The following LRRK2 variants were observed in gnomAD, a reference collection of about 807,000 sequenced individuals.
LRRK2 encodes leucine rich repeat kinase 2.
Under a neutral mutation model 302.6 loss-of-function variants are expected in LRRK2, and 203 were observed. The observed-to-expected ratio is 0.67, with a 90% CI of 0.60 to 0.75. LRRK2 has a LOEUF of 0.75. Ranked by LOEUF, LRRK2 falls within the 30% of genes least tolerant of loss-of-function variation. The pLI is 0.00. For synonymous variants in LRRK2, 1,066 were observed against 1,031.9 expected (o/e 1.03, Z -0.63); for missense variants, 2,830 against 2,951.0 (o/e 0.96, Z 0.95).
intron 14 of LRRK2, among the ~76,000 whole-genome samples, chr12:40,269,231 G>A (rs1360928622): frequency 2.6e-5 from 4 of 152,076 alleles, no homozygotes; most frequent in African/African-American, 9.7e-5. Flanking sequence ...GGCATGATTC[G>A]TAATTAAAAA....
intron 45 of LRRK2, 34 bp from the exon 46 acceptor site, chr12:40,356,081 C>A: frequency 2.7e-6 from 4 of 1,496,942 alleles, no homozygotes; most frequent in Non-Finnish European, 3.7e-6. Flanking sequence ...CATACATGTT[C>A]TTTTTGTAAC....
At chr12:40,334,137 A>G (rs1445524919) in intron 39 of LRRK2, among the ~76,000 whole-genome samples, 1 of 152,200 alleles carries the variant, frequency 6.6e-6, no homozygotes, top group Non-Finnish European at 1.5e-5. Context: ...GTTTTACCTC[A>G]TATGCCAGTT....
At chr12:40,327,437 T>C (rs1456676472) in intron 38 of LRRK2, among the ~76,000 whole-genome samples, 1 of 152,074 alleles carries the variant, frequency 6.6e-6, no homozygotes. Flanking sequence ...ACCCAGACAT[T>C]AGCGTTTTAA....
intron 45 of LRRK2, among the ~76,000 whole-genome samples, chr12:40,355,497 T>C (rs929302386): frequency 8.7e-6 from 1 of 114,892 alleles, no homozygotes; most frequent in African/African-American, 3.0e-5. Flanking sequence ...AATTCCTTCC[T>C]TCCTTCCATC....
chr12:40,360,833 C>G (rs901033644), intron 47 of LRRK2, among the ~76,000 whole-genome samples: 1 of 151,342 alleles, frequency 6.6e-6, no homozygotes, highest in African/African-American at 2.4e-5. Flanking sequence ...CACCCCCAAC[C>G]TTTGAATGTG....
At chr12:40,282,654 A>T (rs1265247393) in intron 18 of LRRK2, among the ~76,000 whole-genome samples, 1 of 152,202 alleles carries the variant, frequency 6.6e-6, no homozygotes, top group East Asian at 1.9e-4. Context: ...TTTAAAGACG[A>T]TGGTGACTTG....
intron 39 of LRRK2, among the ~76,000 whole-genome samples, chr12:40,333,093 T>G (rs1945762419): frequency 6.6e-6 from 1 of 152,202 alleles, no homozygotes; most frequent in Non-Finnish European, 1.5e-5. Flanking sequence ...AATTAGTGAG[T>G]TGCTTTTCCA....
chr12:40,262,893 A>G (rs1254078508), intron 13 of LRRK2, among the ~76,000 whole-genome samples: 1 of 152,198 alleles, frequency 6.6e-6, no homozygotes, highest in Non-Finnish European at 1.5e-5. Flanking sequence ...CAAGAGGTGA[A>G]TGTCAGAACC....
At chr12:40,332,708 TAGA>T (rs1166922873) in intron 39 of LRRK2, among the ~76,000 whole-genome samples, 1 of 152,184 alleles carries the variant, frequency 6.6e-6, no homozygotes, top group Admixed American at 6.6e-5. Flanking sequence ...ATTTTATATA[TAGA>T]AGCTTATCTG....
At position 40,353,343 on chromosome 12, in the gene LRRK2, C is replaced by T. The variant is rs578094551; in HGVS notation, c.6577-956C>T. ...GCAGAGATGCTCCTCACCTCCCAGA[C>T]AGGGTTGCGGCCGGGCATAGGCTCT... On this transcript the variant is annotated intron_variant, in intron 44 of 50. Coordinates refer to ENST00000298910, the MANE Select transcript of LRRK2 (RefSeq NM_198578.4). Among the ~76,000 whole-genome samples, 72 of 148,386 alleles carry T rather than the reference C, an allele frequency of 4.9e-4. 1 individual carries two copies. In the South Asian group the frequency reaches 7.0e-3, roughly 15 times the overall value.
At chr12:40,286,034 G>A (rs1031245239) in intron 19 of LRRK2, among the ~76,000 whole-genome samples, 2 of 151,882 alleles carry the variant, frequency 1.3e-5, no homozygotes, top group Non-Finnish European at 2.9e-5. Context: ...TTCAATATCC[G>A]ATGGAGAGGA....
chr12:40,259,752 A>G, intron 13 of LRRK2, 148 bp downstream of exon 13: 1 of 942,300 alleles, frequency 1.1e-6, no homozygotes, highest in Non-Finnish European at 1.6e-6. Context: ...AAGAGGTTAA[A>G]TATGATGCAG....
intron 38 of LRRK2, among the ~76,000 whole-genome samples, chr12:40,325,025 C>T (rs1945502374): frequency 6.6e-6 from 1 of 152,170 alleles, no homozygotes; most frequent in African/African-American, 2.4e-5. Flanking sequence ...TAGTAGCTCA[C>T]TCCTGTAATC....
intron 16 of LRRK2, 79 bp from the exon 17 acceptor site, chr12:40,277,809 C>T: frequency 7.5e-7 from 1 of 1,336,070 alleles, no homozygotes; most frequent in African/African-American, 1.5e-5. Flanking sequence ...GTTTCATATA[C>T]AAACTCTCTC....
rs1358084941 is a variant in LRRK2, at chr12:40,351,564, A to T, written c.6407A>T (p.Glu2136Val). ...AQVFDILNSA[E>V]LVCLTRRILL... ...GTCTTTGACATTTTGAATTCAGCTG[A>T]ATTAGTCTGTCTGACGAGACGCATT... Residue 2136 changes from glutamate (E) to valine (V), a missense_variant, in exon 44 of 51, where the codon GAA (glutamate) becomes GTA (valine). Physicochemically the swap from Glu to Val is moderately radical, Grantham distance 121 (BLOSUM62 -2). Around this residue, in one of 3 missense-constraint regions of LRRK2, gnomAD observed 253 missense variants for 346.7 expected, o/e 0.73. Transcript: ENST00000298910. 1 of 1,614,202 alleles carries T rather than the reference A, an allele frequency of 6.2e-7. No homozygotes were observed. The highest frequency in any genetic ancestry group is 8.5e-7 in the Non-Finnish European group (1 of 1,180,030).
In LRRK2 at chr12:40,328,429, A is replaced by G. The variant is rs200182753; in HGVS notation, c.5726A>G (p.Asn1909Ser). ...EGEEVAVKIF[N>S]KHTSLRLLRQ... is the part of the protein sequence containing the mutation. ...GAAGAAGTGGCTGTGAAGATTTTTAATAAACATACATCACTCAGGCTGTTA... is the reference window on the plus strand; with the variant it reads ...GAAGAAGTGGCTGTGAAGATTTTTAGTAAACATACATCACTCAGGCTGTTA... Residue 1909 changes from asparagine (N) to serine (S), a missense_variant, in exon 39 of 51, where the codon AAT becomes AGT. By Grantham distance (46) the Asn-to-Ser change is conservative. This residue lies in a region of LRRK2 where 253 missense variants were observed against 346.7 expected (regional missense o/e 0.73). Transcript: ENST00000298910. 6.2e-7 allele frequency: 1 copy of G among 1,613,328 alleles called. No individual in the cohort carries two copies. Among genetic ancestry groups the G allele is most frequent in the South Asian group, 1.1e-5 (1 of 91,020 alleles).
intron 6 of LRRK2, among the ~76,000 whole-genome samples, chr12:40,240,883 T>C (rs1941691034): frequency 1.3e-5 from 2 of 152,182 alleles, no homozygotes; most frequent in African/African-American, 4.8e-5. Flanking sequence ...CACAGATAAG[T>C]ACAGAGGTGA....
chr12:40,228,433 C>CTTTTTTTTTTTTT (rs35333613), intron 2 of LRRK2, among the ~76,000 whole-genome samples: 2 of 19,316 alleles, frequency 1.0e-4, no homozygotes, highest in Non-Finnish European at 1.8e-4. Flanking sequence ...AAAAATAAGA[C>CTTTTTTTTTTTTT]TTTTTTTTTT....
intron 4 of LRRK2, among the ~76,000 whole-genome samples, chr12:40,236,060 A>G (rs1439859415): frequency 6.6e-6 from 1 of 152,088 alleles, no homozygotes; most frequent in Non-Finnish European, 1.5e-5. Context: ...GTTTGCTCCC[A>G]AAATCTGGAC....
Sources: allele counts gnomAD v4.1 joint callset (sites outside exome capture counted in the v4.1 genomes callset), GRCh38; gene constraint gnomAD v4.1.1; regional missense constraint gnomAD v4.1.1; transcripts MANE v1.5; gene names NCBI Gene and HGNC (gene_info 2026-07-23, HGNC 2026-07-21).